TMCC3: variants seen among roughly 807,000 people sequenced by gnomAD.
TMCC3 encodes the protein transmembrane and coiled-coil domain family 3.
A neutral mutation model predicts 40.2 loss-of-function variants in TMCC3; 28 were observed. The ratio of observed to expected loss-of-function variants is 0.70; its 90% CI spans 0.52 to 0.95. TMCC3 has a LOEUF of 0.95. Among genes scored for constraint, TMCC3 ranks in the 40% least tolerant of loss-of-function variants. The pLI, the probability that TMCC3 is intolerant of heterozygous loss-of-function variation, is 0.00. For missense variants in TMCC3, 554 were observed against 615.2 expected (o/e 0.90, Z 1.05); for synonymous variants, 255 against 248.5 (o/e 1.03, Z -0.25).
intron 1 of TMCC3, chr12:94,590,967 T>A (rs2068671084): frequency 1.8e-6 from 1 of 569,676 alleles, no homozygotes; most frequent in Non-Finnish European, 3.5e-6. Flanking sequence ...ATGATCAACA[T>A]TTAAATATGA....
intron 1 of TMCC3, among the ~76,000 whole-genome samples, chr12:94,610,980 TA>T (rs199782542): frequency 4.6e-5 from 7 of 151,454 alleles, no homozygotes; most frequent in Admixed American, 2.0e-4. Context: ...ATTTTCATAT[TA>T]AAAAAAAATC....
At chr12:94,615,678 T>A (rs180853126) in intron 1 of TMCC3, among the ~76,000 whole-genome samples, 1 of 152,322 alleles carries the variant, frequency 6.6e-6, no homozygotes, top group Admixed American at 6.5e-5. Flanking sequence ...CACACTGGAC[T>A]GACATTTTTA....
At chr12:94,612,342 C>T (rs1335827017) in intron 1 of TMCC3, among the ~76,000 whole-genome samples, 4 of 151,326 alleles carry the variant, frequency 2.6e-5, no homozygotes, top group South Asian at 2.1e-4. Flanking sequence ...GATGGAGTCT[C>T]GCTCTGTCAC....
At chr12:94,590,188 A>G (rs2068664538) in intron 1 of TMCC3, among the ~76,000 whole-genome samples, 1 of 145,584 alleles carries the variant, frequency 6.9e-6, no homozygotes, top group Non-Finnish European at 1.5e-5. Context: ...TGCAAATTCC[A>G]ATGTTCAAGT....
At chr12:94,607,607 T>C (rs1389807901) in intron 1 of TMCC3, among the ~76,000 whole-genome samples, 1 of 152,182 alleles carries the variant, frequency 6.6e-6, no homozygotes, top group Non-Finnish European at 1.5e-5. Flanking sequence ...GGTTTCACCA[T>C]GTTGGCCAGG....
Position 94,581,526 on chromosome 12 carries a change from T to TA in TMCC3, c.995+95dup, listed in dbSNP as rs979271452. ...CGTACCCACTAAGTATCCGTGGTAA[T>TA]AAAAAAGTTTTCAAAATGAAAAAAT... On this transcript the variant is annotated intron_variant, in intron 2 of 3. Coordinates refer to ENST00000261226, the MANE Select transcript of TMCC3 (RefSeq NM_020698.4). 26 of 890,502 alleles carry TA rather than the reference T, an allele frequency of 2.9e-5. No homozygotes were observed. In the African/African-American group the frequency reaches 4.5e-4, roughly 16 times the overall value. 55.2% of individuals were successfully genotyped at this position (890,502 alleles called of 1,614,324 possible).
intron 1 of TMCC3, among the ~76,000 whole-genome samples, chr12:94,626,761 C>T (rs758996893): frequency 9.1e-4 from 139 of 152,292 alleles, no homozygotes; most frequent in Non-Finnish European, 1.8e-3. Flanking sequence ...GAAAGGGACT[C>T]AGGGACGACC....
At chr12:94,634,769 A>G (rs1051577186) in intron 1 of TMCC3, among the ~76,000 whole-genome samples, 7 of 152,234 alleles carry the variant, frequency 4.6e-5, no homozygotes, top group African/African-American at 9.6e-5. Context: ...TGGTGCCCAC[A>G]TGCCTAACAG....
intron 1 of TMCC3, among the ~76,000 whole-genome samples, chr12:94,619,191 G>A (rs908288137): frequency 3.9e-5 from 6 of 152,188 alleles, no homozygotes; most frequent in Admixed American, 6.5e-5. Context: ...CAGCATCTCC[G>A]TGCTATTATG....
chr12:94,570,715 G>A lies in TMCC3; in HGVS notation c.*720C>T, dbSNP rs1340014763. The A allele has an allele frequency of 6.5e-6, 1 of 152,714 alleles. No individual in the cohort carries two copies. Among genetic ancestry groups the A allele is most frequent in the Non-Finnish European group, 1.5e-5 (1 of 68,108 alleles). The allele number at this position is 152,714 out of a possible 1,614,324, so 9.5% of individuals were successfully genotyped here. ...AACATTCCTGCACACTCTGAAGGCT[G>A]GGCATTTGCTAGCCAGTTGAGACAA... On this transcript the variant is annotated 3_prime_UTR_variant, in exon 4 of 4. Coordinates refer to ENST00000261226, the MANE Select transcript of TMCC3 (RefSeq NM_020698.4).
At chr12:94,630,261 A>G (rs1255914278) in intron 1 of TMCC3, among the ~76,000 whole-genome samples, 1 of 151,602 alleles carries the variant, frequency 6.6e-6, no homozygotes, top group Non-Finnish European at 1.5e-5. Context: ...TGTCCCAAAA[A>G]AAAAAAAAAA....
At chr12:94,591,993 T>C (rs2068679078) in intron 1 of TMCC3, among the ~76,000 whole-genome samples, 1 of 152,190 alleles carries the variant, frequency 6.6e-6, no homozygotes, top group African/African-American at 2.4e-5. Context: ...AACATATTAC[T>C]ACCTTCATGG....
chr12:94,608,527 C>G (rs570722811), intron 1 of TMCC3, among the ~76,000 whole-genome samples: 1 of 152,258 alleles, frequency 6.6e-6, no homozygotes, highest in Non-Finnish European at 1.5e-5. Flanking sequence ...CACTGCACAC[C>G]TGGACCATGC....
chr12:94,604,898 G>A (rs1029922181), intron 1 of TMCC3, among the ~76,000 whole-genome samples: 3 of 151,998 alleles, frequency 2.0e-5, no homozygotes, highest in Non-Finnish European at 2.9e-5. Flanking sequence ...CTGAGAAGGT[G>A]ATAATTGACT....
chr12:94,625,866 G>T (rs563085770), intron 1 of TMCC3, among the ~76,000 whole-genome samples: 2 of 152,090 alleles, frequency 1.3e-5, no homozygotes, highest in Non-Finnish European at 2.9e-5. Flanking sequence ...TATTTTGTAC[G>T]CATTTGTTTG....
chr12:94,590,260 ATTTTTTTTT>A (rs72186655), intron 1 of TMCC3, among the ~76,000 whole-genome samples: 1 of 85,358 alleles, frequency 1.2e-5, no homozygotes, highest in East Asian at 3.3e-4. Flanking sequence ...CGCCCTGCTA[ATTTTTTTTT>A]TTTTTTTTTT....
chr12:94,597,168 T>TA lies in TMCC3; in HGVS notation c.79-14631_79-14630insT, dbSNP rs1555283339. ...ATATATATATATATATGTATATAAA[T>TA]TAGCCAGGCCTGCTGGCGTGCCTGT... is the stretch of plus-strand genomic sequence containing the variant. On this transcript the variant is annotated intron_variant, in intron 1 of 3. Transcript: ENST00000261226. Among the ~76,000 whole-genome samples, 83 of 121,702 alleles carry TA rather than the reference T, an allele frequency of 6.8e-4. 3 individuals are homozygous for TA. The highest frequency in any genetic ancestry group is 1.0e-3 in the Non-Finnish European group (57 of 57,162). 79.8% of individuals were successfully genotyped at this position (121,702 alleles called of 152,430 possible).
At position 94,593,359 on chromosome 12, in the gene TMCC3, T is replaced by TA. The variant is rs372651534; in HGVS notation, c.79-10822dup. 2.0e-3 allele frequency among the ~76,000 whole-genome samples: 89 copies of TA among 44,154 alleles called. 13 individuals carry two copies. The highest frequency in any genetic ancestry group is 6.2e-3 in the African/African-American group (61 of 9,854). 29.0% of individuals were successfully genotyped at this position (44,154 alleles called of 152,430 possible). ...TCAAGCCTGGACAACAGGCTCCATCTAAAAAAAAAAAAAGAAAAGAAAAGA... is the reference window on the plus strand; with the variant it reads ...TCAAGCCTGGACAACAGGCTCCATCTAAAAAAAAAAAAAAGAAAAGAAAAGA... On this transcript the variant is annotated intron_variant, in intron 1 of 3. Transcript: ENST00000261226.
chr12:94,617,678 G>C (rs899790544), intron 1 of TMCC3, among the ~76,000 whole-genome samples: 6 of 152,178 alleles, frequency 3.9e-5, no homozygotes, highest in Non-Finnish European at 8.8e-5. Context: ...ACTGTTCTGG[G>C]GGACCAGGGG....
Sources: allele counts gnomAD v4.1 joint callset (sites outside exome capture counted in the v4.1 genomes callset), GRCh38; gene constraint gnomAD v4.1.1; transcripts MANE v1.5; gene names NCBI Gene and HGNC (gene_info 2026-07-23, HGNC 2026-07-21).